Variants in FARP1 observed in about 807,000 individuals in gnomAD.
FARP1 encodes the protein FERM, ARHGEF and pleckstrin domain-containing protein 1.
In FARP1, 52 loss-of-function variants were observed where a neutral mutation model predicts 128.8. The ratio of observed to expected loss-of-function variants is 0.40; its 90% CI spans 0.32 to 0.51. FARP1 has a LOEUF of 0.51. Ranked by LOEUF, FARP1 falls within the 20% of genes least tolerant of loss-of-function variation. FARP1 has a pLI of 0.45. For synonymous variants in FARP1, 580 were observed against 551.8 expected (o/e 1.05, Z -0.72); for missense variants, 1,333 against 1,367.9 (o/e 0.97, Z 0.40).
chr13:98,153,649 C>T (rs543793133), intron 1 of FARP1, among the ~76,000 whole-genome samples: 2 of 146,746 alleles, frequency 1.4e-5, no homozygotes, highest in East Asian at 2.0e-4. Context: ...CTGCAACCTC[C>T]GACTCCCGGG....
At chr13:98,385,409 A>C (rs116615679) in intron 7 of FARP1, among the ~76,000 whole-genome samples, 3,023 of 141,992 alleles carry the variant, frequency 0.021, 100 homozygotes, top group African/African-American at 0.078. Context: ...TTGAGATTCC[A>C]AAAAAAACAA....
At chr13:98,254,943 C>CTT (rs1491230248) in intron 2 of FARP1, among the ~76,000 whole-genome samples, 1 of 130,580 alleles carries the variant, frequency 7.7e-6, no homozygotes. Flanking sequence ...TGGCATCTTC[C>CTT]TCTTTTTTTT....
At chr13:98,445,740 C>A in intron 24 of FARP1, 1 of 169,534 alleles carries the variant, frequency 5.9e-6, no homozygotes, top group Non-Finnish European at 1.3e-5. Context: ...GACACCACTC[C>A]CGTTGGATTT....
intron 1 of FARP1, among the ~76,000 whole-genome samples, chr13:98,204,875 G>A (rs1880172861): frequency 6.6e-6 from 1 of 152,108 alleles, no homozygotes; most frequent in African/African-American, 2.4e-5. Flanking sequence ...TTGAGCCCAG[G>A]AGCTCGAGGT....
At chr13:98,227,654 G>C (rs1323562528) in intron 2 of FARP1, among the ~76,000 whole-genome samples, 1 of 152,158 alleles carries the variant, frequency 6.6e-6, no homozygotes, top group Non-Finnish European at 1.5e-5. Context: ...GGATCTCGTC[G>C]AGATAATTGA....
At chr13:98,394,672 T>C (rs1238041225) in intron 12 of FARP1, among the ~76,000 whole-genome samples, 1 of 152,188 alleles carries the variant, frequency 6.6e-6, no homozygotes, top group Non-Finnish European at 1.5e-5. Flanking sequence ...TGGTGGCACA[T>C]GCCTGTGGTC....
At chr13:98,279,896 C>G (rs1039433997) in intron 2 of FARP1, among the ~76,000 whole-genome samples, 6 of 152,154 alleles carry the variant, frequency 3.9e-5, no homozygotes, top group East Asian at 3.9e-4. Context: ...CGACGCCCCC[C>G]CTCTGTCTTC....
At chr13:98,175,920 TTG>T in intron 1 of FARP1, 4 of 531,016 alleles carry the variant, frequency 7.5e-6, no homozygotes, top group East Asian at 3.1e-5. Flanking sequence ...TAGCATTCCA[TTG>T]TGTGTGTGTA....
At chr13:98,197,900 GCTGAGA>G (rs1170743489) in intron 1 of FARP1, among the ~76,000 whole-genome samples, 3 of 152,122 alleles carry the variant, frequency 2.0e-5, no homozygotes, top group Admixed American at 6.5e-5. Context: ...CTCCCAAAGT[GCTGAGA>G]TTACAGGCAT....
chr13:98,153,539 A>T (rs1876260256), intron 1 of FARP1, among the ~76,000 whole-genome samples: 1 of 89,120 alleles, frequency 1.1e-5, no homozygotes, highest in East Asian at 3.2e-4. Flanking sequence ...ATTATATATA[A>T]ATATGTATAA....
rs552250209 is a variant in FARP1 at position 98,236,241 on chromosome 13, C to T, written c.171+22828C>T. Among the ~76,000 whole-genome samples, 235 of 152,070 alleles carry T rather than the reference C, an allele frequency of 1.5e-3. 4 individuals carry two copies. The highest frequency in any genetic ancestry group is 6.8e-4 in the Non-Finnish European group (46 of 68,006). On this transcript the variant is annotated intron_variant, in intron 2 of 26. Transcript: ENST00000319562. The stretch of plus-strand genomic sequence containing the variant: ...TTCTTCAAAAACCTTGATTTGTAGC[C>T]GGGAAAAAGTGATTTTGTGAAGATA...
intron 5 of FARP1, among the ~76,000 whole-genome samples, chr13:98,371,844 T>C: frequency 6.6e-6 from 1 of 152,178 alleles, no homozygotes; most frequent in East Asian, 1.9e-4. Flanking sequence ...GCTCTGTAGT[T>C]AATGCTTTGG....
Position 98,436,969 on chromosome 13 carries a change from A to G in FARP1, c.2274+1263A>G, listed in dbSNP as rs150107804. On this transcript the variant is annotated intron_variant, in intron 19 of 26. Coordinates refer to ENST00000319562, the MANE Select transcript of FARP1 (RefSeq NM_005766.4). ...AATGGAAAGAACCTTGGATTGGAGG[A>G]GGTGGCCCTGGGTTCAAAGTCTCGC... is the stretch of plus-strand genomic sequence containing the variant. 3.3e-5 allele frequency among the ~76,000 whole-genome samples: 5 copies of G among 152,288 alleles called. No individual in the cohort carries two copies. The East Asian group carries it at 9.6e-4, about 29-fold the overall frequency.
Position 98,213,377 on chromosome 13 carries a change from G to C in FARP1, c.135G>C (p.Gln45His), listed in dbSNP as rs529475478. 9.9e-6 allele frequency: 16 copies of C among 1,613,966 alleles called. No individual in the cohort carries two copies. The highest frequency in any genetic ancestry group is 1.3e-5 in the African/African-American group (1 of 74,902). The stretch of plus-strand genomic sequence containing the variant: ...GAAAACTCGTGTCCATCAAAATCCA[G>C]ATGCTGGATGACACCCAGGAGGCAT... The part of the protein sequence containing the change: ...PSGKLVSIKI[Q>H]MLDDTQEAFE... The change falls in exon 2 of 27, where the codon CAG becomes CAC. Residue 45 changes from glutamine (Q) to histidine (H), a missense_variant. Transcript: ENST00000319562.
intron 2 of FARP1, among the ~76,000 whole-genome samples, chr13:98,266,014 G>A (rs1884096105): frequency 6.6e-6 from 1 of 152,112 alleles, no homozygotes; most frequent in South Asian, 2.1e-4. Context: ...GTAACAATAG[G>A]CTAAAAACAG....
intron 2 of FARP1, among the ~76,000 whole-genome samples, chr13:98,307,494 T>C (rs1333003560): frequency 6.6e-6 from 1 of 152,104 alleles, no homozygotes; most frequent in Non-Finnish European, 1.5e-5. Flanking sequence ...TGCCCAGCCT[T>C]GTGGGTGTCC....
chr13:98,300,443 CTTGG>C (rs369969042), intron 2 of FARP1, among the ~76,000 whole-genome samples: 41 of 152,338 alleles, frequency 2.7e-4, no homozygotes, highest in Middle Eastern at 3.4e-3. Context: ...TGGGAGCCCT[CTTGG>C]TTTGGTACCC....
chr13:98,344,004 G>T, intron 3 of FARP1, 138 bp downstream of exon 3: 1 of 669,230 alleles, frequency 1.5e-6, no homozygotes, highest in South Asian at 1.7e-5. Context: ...CAAATCTGGT[G>T]TGTATTTGAC....
intron 26 of FARP1, chr13:98,447,958 A>G (rs1892958919): frequency 4.1e-6 from 2 of 484,078 alleles, no homozygotes; most frequent in Non-Finnish European, 7.4e-6. Context: ...CTCCCCAGCA[A>G]CCAGAGGCCA....
Sources: allele counts gnomAD v4.1 joint callset (sites outside exome capture counted in the v4.1 genomes callset), GRCh38; gene constraint gnomAD v4.1.1; transcripts MANE v1.5; gene names NCBI Gene and HGNC (gene_info 2026-07-23, HGNC 2026-07-21).